Variants in RALYL observed in about 807,000 individuals in gnomAD.
RALYL encodes RNA-binding Raly-like protein.
In RALYL, 29 loss-of-function variants were observed where a neutral mutation model predicts 35.1. The ratio of observed to expected loss-of-function variants is 0.83; its 90% CI spans 0.61 to 1.13. RALYL has a LOEUF of 1.13. RALYL is among the 50% of genes most tolerant of loss of function. The pLI is 0.00. For synonymous variants in RALYL, 120 were observed against 127.6 expected (o/e 0.94, Z 0.40); for missense variants, 359 against 360.4 (o/e 1.00, Z 0.03).
chr8:84,459,473 T>A (rs2133353854), intron 1 of RALYL, among the ~76,000 whole-genome samples: 1 of 151,876 alleles, frequency 6.6e-6, no homozygotes, highest in African/African-American at 2.4e-5. Flanking sequence ...TGGGTTTAAA[T>A]CATTAAAGGT....
intron 2 of RALYL, among the ~76,000 whole-genome samples, chr8:84,553,933 C>A (rs538570291): frequency 6.6e-6 from 1 of 152,272 alleles, no homozygotes; most frequent in South Asian, 2.1e-4. Context: ...GATGAATCAT[C>A]TTTCCATACA....
intron 1 of RALYL, among the ~76,000 whole-genome samples, chr8:84,226,644 A>G (rs1160777764): frequency 6.6e-6 from 1 of 152,298 alleles, no homozygotes; most frequent in South Asian, 2.1e-4. Context: ...ATCTACATCT[A>G]CTACCCTTTC....
At chr8:84,680,613 T>G (rs1038065053) in intron 2 of RALYL, among the ~76,000 whole-genome samples, 2 of 152,232 alleles carry the variant, frequency 1.3e-5, no homozygotes, top group Non-Finnish European at 2.9e-5. Flanking sequence ...TGATGGGCAT[T>G]TTTTCATGTG....
intron 2 of RALYL, among the ~76,000 whole-genome samples, chr8:84,716,602 A>G (rs1161776771): frequency 6.6e-6 from 1 of 152,182 alleles, no homozygotes; most frequent in Middle Eastern, 3.2e-3. Context: ...CACTTGTAAC[A>G]TAGATGATAC....
At chr8:84,570,018 T>A (rs897595702) in intron 2 of RALYL, among the ~76,000 whole-genome samples, 2 of 151,922 alleles carry the variant, frequency 1.3e-5, no homozygotes, top group East Asian at 1.9e-4. Context: ...ATTCAAGTAA[T>A]GTGATGCCTC....
chr8:84,399,369 G>A (rs1461298168), intron 1 of RALYL, among the ~76,000 whole-genome samples: 2 of 152,114 alleles, frequency 1.3e-5, no homozygotes, highest in African/African-American at 4.8e-5. Flanking sequence ...TAGGACATCA[G>A]AATCCATGTC....
chr8:84,817,023 C>G (rs1827477472), intron 4 of RALYL, among the ~76,000 whole-genome samples: 1 of 152,126 alleles, frequency 6.6e-6, no homozygotes, highest in Admixed American at 6.6e-5. Context: ...TATGTGTGAG[C>G]TAAGCATGGA....
chr8:84,367,318 A>AATTTTT (rs1854572226), intron 1 of RALYL, among the ~76,000 whole-genome samples: 3 of 27,400 alleles, frequency 1.1e-4, no homozygotes, highest in Non-Finnish European at 3.0e-4. Context: ...TAATTTTTGT[A>AATTTTT]TTTTTTTTTT....
At chr8:84,290,518 A>G (rs543218776) in intron 1 of RALYL, among the ~76,000 whole-genome samples, 249 of 151,606 alleles carry the variant, frequency 1.6e-3, no homozygotes, top group African/African-American at 5.8e-3. Flanking sequence ...CAAGGTGCTC[A>G]GTGGGGGTGC....
intron 2 of RALYL, among the ~76,000 whole-genome samples, chr8:84,682,308 T>G (rs1461064651): frequency 6.6e-6 from 1 of 152,176 alleles, no homozygotes; most frequent in Non-Finnish European, 1.5e-5. Context: ...TCTCTTTTTT[T>G]GTTGTGTCTC....
At chr8:84,516,810 T>G (rs1410848291) in intron 1 of RALYL, among the ~76,000 whole-genome samples, 1 of 152,182 alleles carries the variant, frequency 6.6e-6, no homozygotes, top group Non-Finnish European at 1.5e-5. Context: ...AGAGCTGATA[T>G]GGGTATTCTA....
intron 1 of RALYL, among the ~76,000 whole-genome samples, chr8:84,309,450 A>T (rs1388475206): frequency 6.6e-6 from 1 of 151,900 alleles, no homozygotes; most frequent in Non-Finnish European, 1.5e-5. Flanking sequence ...TACCACTTTG[A>T]TATTAAAAGA....
chr8:84,701,697 T>C (rs1237494233), intron 2 of RALYL, among the ~76,000 whole-genome samples: 5 of 152,152 alleles, frequency 3.3e-5, no homozygotes, highest in African/African-American at 1.2e-4. Flanking sequence ...TCACCCCTGC[T>C]GCAGAGCTGA....
chr8:84,399,483 G>T (rs2042679244), intron 1 of RALYL, among the ~76,000 whole-genome samples: 1 of 152,148 alleles, frequency 6.6e-6, no homozygotes, highest in African/African-American at 2.4e-5. Context: ...GTAACAAATT[G>T]TCAACAATTT....
At chr8:84,581,994 T>A (rs994583046) in intron 2 of RALYL, among the ~76,000 whole-genome samples, 1 of 152,128 alleles carries the variant, frequency 6.6e-6, no homozygotes, top group Admixed American at 6.5e-5. Context: ...CTAATTAAAA[T>A]CAAGTAAGTG....
intron 2 of RALYL, among the ~76,000 whole-genome samples, chr8:84,537,601 C>T (rs1479283482): frequency 6.6e-6 from 1 of 151,646 alleles, no homozygotes; most frequent in Non-Finnish European, 1.5e-5. Flanking sequence ...TTCATCTTTT[C>T]TGAGATTCAT....
At chr8:84,199,434 A>G (rs141099460) in intron 1 of RALYL, among the ~76,000 whole-genome samples, 16 of 152,204 alleles carry the variant, frequency 1.1e-4, no homozygotes, top group African/African-American at 3.6e-4. Context: ...ATTTTCTTCC[A>G]ATCTATGAGT....
intron 1 of RALYL, among the ~76,000 whole-genome samples, chr8:84,452,912 C>T (rs2049668893): frequency 6.6e-6 from 1 of 151,838 alleles, no homozygotes; most frequent in African/African-American, 2.4e-5. Flanking sequence ...GGAAATTCAG[C>T]CAATTTCCTG....
At chr8:84,546,488 T>G (rs866362244) in intron 2 of RALYL, among the ~76,000 whole-genome samples, 1 of 152,208 alleles carries the variant, frequency 6.6e-6, no homozygotes, top group Admixed American at 6.5e-5. Flanking sequence ...TTTAGCATCA[T>G]GGAGATGACC....
Sources: gnomAD v4.1 joint callset for allele counts (sites outside exome capture counted in the v4.1 genomes callset) on GRCh38, gnomAD v4.1.1 for gene constraint, MANE v1.5 for transcripts, NCBI Gene and HGNC (gene_info 2026-07-23, HGNC 2026-07-21) for gene names.